DOCK9: variants seen among roughly 807,000 people sequenced by gnomAD.
DOCK9 encodes the protein dedicator of cytokinesis 9.
A neutral mutation model predicts 263.3 loss-of-function variants in DOCK9; 89 were observed. The observed-to-expected ratio is 0.34, with a 90% CI of 0.28 to 0.40. The LOEUF (loss-of-function observed/expected upper bound fraction) is 0.40. DOCK9 is among the 10% of genes least tolerant of loss of function. DOCK9 has a pLI of 1.00. For missense variants in DOCK9, 2,140 were observed against 2,603.4 expected, an observed-to-expected ratio of 0.82 and a Z score of 3.87; for synonymous variants, 976 against 973.1, an observed-to-expected ratio of 1.00 and a Z score of -0.06.
intron 3 of DOCK9, among the ~76,000 whole-genome samples, chr13:98,929,388 C>T (rs754412534): frequency 1.3e-5 from 2 of 151,902 alleles, no homozygotes; most frequent in Non-Finnish European, 2.9e-5. Flanking sequence ...ACTAAAAATA[C>T]AAAGGTTAGC....
chr13:99,070,839 G>T (rs1362040663), intron 1 of DOCK9, among the ~76,000 whole-genome samples: 1 of 152,242 alleles, frequency 6.6e-6, no homozygotes, highest in Non-Finnish European at 1.5e-5. Context: ...GTTTAGAACT[G>T]AGGGAATAAA....
chr13:98,892,285 G>A (rs7319960), intron 15 of DOCK9, among the ~76,000 whole-genome samples: 19,693 of 152,080 alleles, frequency 0.13, 1,360 homozygotes, highest in South Asian at 0.2. Flanking sequence ...AAATGGGAAT[G>A]GTATCATCAA....
chr13:98,794,338 A>G lies in DOCK9; in HGVS notation c.*288T>C, dbSNP rs1170359281. The G allele has an allele frequency of 1.0e-5, 4 of 397,558 alleles. No homozygotes were observed. Among genetic ancestry groups the G allele is most frequent in the East Asian group, 8.7e-5 (2 of 23,062 alleles). The allele number at this position is 397,558 out of a possible 1,614,324, so 24.6% of individuals were successfully genotyped here. On this transcript the variant is annotated 3_prime_UTR_variant, in exon 53 of 53. Transcript: ENST00000682017. The stretch of plus-strand genomic sequence containing the variant: ...TCTGTAGGCCATCTATTCTAACACT[A>G]CTCTGCAAGGAAGAATAAAATCTAA...
At chr13:98,914,594 C>T (rs1360848205) in intron 8 of DOCK9, among the ~76,000 whole-genome samples, 199 bp from the exon 9 acceptor site, 2 of 152,118 alleles carry the variant, frequency 1.3e-5, no homozygotes, top group Admixed American at 1.3e-4. Flanking sequence ...AAACACTGAG[C>T]AGCTGGTATA....
chr13:98,940,424 G>A (rs1311805793), intron 2 of DOCK9, among the ~76,000 whole-genome samples: 3 of 151,908 alleles, frequency 2.0e-5, no homozygotes, highest in African/African-American at 7.3e-5. Context: ...TAAGAGATAG[G>A]GTCTCGCTCT....
At chr13:99,059,117 C>T (rs2041066246) in intron 1 of DOCK9, among the ~76,000 whole-genome samples, 1 of 152,220 alleles carries the variant, frequency 6.6e-6, no homozygotes, top group African/African-American at 2.4e-5. Context: ...CTAGAAATCA[C>T]ACCCACGACT....
intron 9 of DOCK9, 141 bp from the exon 10 acceptor site, chr13:98,904,847 C>T: frequency 1.5e-6 from 1 of 661,064 alleles, no homozygotes; most frequent in Non-Finnish European, 2.5e-6. Flanking sequence ...GCTGTGTGTG[C>T]CAGGGAGTGT....
chr13:98,987,179 A>C (rs1878670773), intron 1 of DOCK9, among the ~76,000 whole-genome samples: 2 of 152,202 alleles, frequency 1.3e-5, no homozygotes, highest in South Asian at 4.1e-4. Flanking sequence ...AAAAAAATTG[A>C]TTAAAGTGTC....
chr13:98,893,453 G>A (rs2046934414), intron 15 of DOCK9, among the ~76,000 whole-genome samples: 1 of 152,132 alleles, frequency 6.6e-6, no homozygotes, highest in East Asian at 1.9e-4. Flanking sequence ...CAAATACAAA[G>A]TACCAAGTCT....
At chr13:98,850,198 TTGGAGTGTAGGCCTCTAAACCC>T (rs770124325) in intron 35 of DOCK9, 85 bp from the exon 36 acceptor site, 201 of 1,037,088 alleles carry the variant, frequency 1.9e-4, no homozygotes, top group African/African-American at 4.3e-4. Context: ...GGAAGGAACC[TTGGAGTGTAGGCCTCTAAACCC>T]TGGAGTGTAG....
intron 15 of DOCK9, among the ~76,000 whole-genome samples, chr13:98,892,587 CAAT>C (rs755524913): frequency 3.9e-5 from 6 of 152,090 alleles, no homozygotes; most frequent in Non-Finnish European, 5.9e-5. Context: ...GAAGAAAATT[CAAT>C]AAGCATTTAT....
In DOCK9 at chr13:98,807,689, T is replaced by C. The variant is rs749366985; in HGVS notation, c.5486A>G (p.Asn1829Ser). 5 of 1,611,566 alleles carry C rather than the reference T, an allele frequency of 3.1e-6. No homozygotes were observed. The highest frequency in any genetic ancestry group is 2.7e-5 in the African/African-American group (2 of 74,912). Residue 1829 changes from asparagine to serine, a missense_variant, in exon 48 of 53, where the codon AAT becomes AGT. By Grantham distance (46) the Asn-to-Ser change is conservative. Coordinates refer to ENST00000682017, the MANE Select transcript of DOCK9 (RefSeq NM_001366683.2). The stretch of plus-strand genomic sequence containing the variant: ...GCCAGAATCCTGTATCATTTTGACA[T>C]TTTCAGAACCAAATTTATCCGAGTA... ...KLYSDKFGSE[N>S]VKMIQDSGKV...
rs139661361 is a variant in DOCK9 at position 98,833,239 on chromosome 13, G to A, written c.4315-1453C>T. 2.4e-4 allele frequency among the ~76,000 whole-genome samples: 37 copies of A among 152,034 alleles called. No homozygotes were observed. The East Asian group carries it at 6.0e-3, about 25-fold the overall frequency. On this transcript the variant is annotated intron_variant, in intron 39 of 52. Coordinates refer to ENST00000682017, the MANE Select transcript of DOCK9 (RefSeq NM_001366683.2). Reference sequence around the variant, plus strand: ...AAAAAAAAAGATTTCCAGTGTTTGGGGAACTGCTTACAAGTTTTATCTATG... The same window carrying A: ...AAAAAAAAAGATTTCCAGTGTTTGGAGAACTGCTTACAAGTTTTATCTATG...
At chr13:98,940,100 T>C (rs1831548277) in intron 2 of DOCK9, among the ~76,000 whole-genome samples, 1 of 152,236 alleles carries the variant, frequency 6.6e-6, no homozygotes, top group African/African-American at 2.4e-5. Context: ...GACTTGCTTT[T>C]TGAGAGGATT....
At position 98,856,209 on chromosome 13, in the gene DOCK9, A is replaced by G. The variant is rs941287877; in HGVS notation, c.3698-178T>C. The G allele has an allele frequency of 1.2e-5, 7 of 569,194 alleles. No homozygotes were observed. The Admixed American group carries it at 2.2e-4, about 18-fold the overall frequency. The allele number at this position is 569,194 out of a possible 1,614,324, so 35.3% of individuals were successfully genotyped here. On this transcript the variant is annotated intron_variant, in intron 33 of 52. Transcript: ENST00000682017. ...AACCAGGTCATATACAATGAGATAA[A>G]AAGAAACTAGTCTGAAACATTCAGA...
chr13:99,014,112 A>G (rs1711812954), intron 1 of DOCK9, among the ~76,000 whole-genome samples: 1 of 152,216 alleles, frequency 6.6e-6, no homozygotes, highest in South Asian at 2.1e-4. Context: ...ATAAAAGAGA[A>G]AAGAAAAACA....
At chr13:99,022,770 C>G (rs1886268084) in intron 1 of DOCK9, among the ~76,000 whole-genome samples, 1 of 152,050 alleles carries the variant, frequency 6.6e-6, no homozygotes, top group Admixed American at 6.6e-5. Context: ...TAGCAAGACC[C>G]CAGTCTATAA....
intron 26 of DOCK9, 116 bp downstream of exon 26, chr13:98,880,431 T>C (rs534888267): frequency 1.5e-6 from 2 of 1,374,108 alleles, no homozygotes; most frequent in African/African-American, 2.9e-5. Flanking sequence ...CACTACCCCT[T>C]TTTAGGGAGT....
Position 98,933,865 on chromosome 13 carries a change from C to CTGTTGT in DOCK9, c.244-3614_244-3609dup, listed in dbSNP as rs71724333. On this transcript the variant is annotated intron_variant, in intron 2 of 52. Transcript: ENST00000682017. ...TGATGATCAGTTATAAACCTAGCCTCTGTTGTTGTTGTTGTTGTTGTTGTT... is the reference window on the plus strand; with the variant it reads ...TGATGATCAGTTATAAACCTAGCCTCTGTTGTTGTTGTTGTTGTTGTTGTTGTTGTT... Among the ~76,000 whole-genome samples the CTGTTGT allele has an allele frequency of 8.4e-3, 1,256 of 149,026 alleles. 15 individuals are homozygous for CTGTTGT. Among genetic ancestry groups the CTGTTGT allele is most frequent in the Admixed American group, 0.04 (590 of 14,896 alleles).
Sources: gnomAD v4.1 joint callset for allele counts (sites outside exome capture counted in the v4.1 genomes callset) on GRCh38, gnomAD v4.1.1 for gene constraint, MANE v1.5 for transcripts, NCBI Gene and HGNC (gene_info 2026-07-23, HGNC 2026-07-21) for gene names.